STK32B: variants seen among roughly 807,000 people sequenced by gnomAD.
The protein encoded by STK32B is serine/threonine-protein kinase 32B.
A neutral mutation model predicts 52.6 loss-of-function variants in STK32B; 43 were observed. The observed-to-expected ratio is 0.82, with a 90% CI of 0.64 to 1.05. The LOEUF (loss-of-function observed/expected upper bound fraction) is 1.05. Among genes scored for constraint, STK32B ranks in the 50% least tolerant of loss-of-function variants. The probability of loss-of-function intolerance (pLI) is 0.00; values close to 1 mark genes in which losing one functional copy is unlikely to be tolerated. For missense variants in STK32B, 621 were observed against 534.6 expected, an observed-to-expected ratio of 1.16 and a Z score of -1.59; for synonymous variants, 238 against 204.3, an observed-to-expected ratio of 1.17 and a Z score of -1.41.
At chr4:5,335,989 C>T (rs968272546) in intron 4 of STK32B, among the ~76,000 whole-genome samples, 1 of 151,296 alleles carries the variant, frequency 6.6e-6, no homozygotes, top group African/African-American at 2.4e-5. Flanking sequence ...TCTGCAGAGC[C>T]AGGTGGTTGC....
intron 7 of STK32B, 95 bp from the exon 8 acceptor site, chr4:5,456,711 GA>G (rs1463776468): frequency 1.7e-6 from 2 of 1,145,816 alleles, no homozygotes; most frequent in Non-Finnish European, 2.4e-6. Flanking sequence ...TGAAGAGGAA[GA>G]ATAAACCATC....
intron 1 of STK32B, among the ~76,000 whole-genome samples, chr4:5,099,453 C>CGCGT (rs1560150338): frequency 9.3e-6 from 1 of 107,708 alleles, no homozygotes; most frequent in African/African-American, 3.7e-5. Context: ...TGTGTGTGCG[C>CGCGT]GCGCGCGTAT....
At chr4:5,356,786 C>A (rs1398131574) in intron 4 of STK32B, among the ~76,000 whole-genome samples, 1 of 152,134 alleles carries the variant, frequency 6.6e-6, no homozygotes, top group Non-Finnish European at 1.5e-5. Flanking sequence ...CACCTGGGGT[C>A]AGGAGTTCGA....
chr4:5,446,152 G>A (rs577719348), intron 6 of STK32B, among the ~76,000 whole-genome samples: 25 of 152,306 alleles, frequency 1.6e-4, no homozygotes, highest in African/African-American at 4.3e-4. Flanking sequence ...CATTCCACCC[G>A]GTAGTGTCAC....
At chr4:5,328,519 C>G (rs1466727213) in intron 3 of STK32B, among the ~76,000 whole-genome samples, 2 of 152,176 alleles carry the variant, frequency 1.3e-5, no homozygotes, top group Admixed American at 6.5e-5. Flanking sequence ...TGGGAAACTA[C>G]TGGTCAGTGG....
intron 1 of STK32B, among the ~76,000 whole-genome samples, chr4:5,090,641 G>A (rs1022451094): frequency 6.6e-6 from 1 of 152,106 alleles, no homozygotes; most frequent in Non-Finnish European, 1.5e-5. Flanking sequence ...GGGATTACAG[G>A]CATGAGCTAC....
At chr4:5,096,538 A>T (rs1452538596) in intron 1 of STK32B, among the ~76,000 whole-genome samples, 1 of 151,818 alleles carries the variant, frequency 6.6e-6, no homozygotes, top group Non-Finnish European at 1.5e-5. Flanking sequence ...CCCTCCTCCC[A>T]CCCTGGATCT....
At chr4:5,391,634 G>A (rs549351609) in intron 4 of STK32B, among the ~76,000 whole-genome samples, 1 of 152,068 alleles carries the variant, frequency 6.6e-6, no homozygotes, top group East Asian at 2.0e-4. Context: ...GTCTGGCCTG[G>A]CTGGGCCACA....
chr4:5,389,703 AG>A (rs112949210), intron 4 of STK32B, among the ~76,000 whole-genome samples: 32 of 152,266 alleles, frequency 2.1e-4, no homozygotes, highest in African/African-American at 6.3e-4. Context: ...ACTACCTGGA[AG>A]GGCTGTGCAA....
chr4:5,481,752 A>G (rs1456864050), intron 11 of STK32B, among the ~76,000 whole-genome samples: 3 of 152,122 alleles, frequency 2.0e-5, no homozygotes, highest in African/African-American at 7.2e-5. Flanking sequence ...ATCTTGAATT[A>G]ATTTTTGTAT....
chr4:5,228,352 A>C (rs1225512356), intron 3 of STK32B, among the ~76,000 whole-genome samples: 1 of 152,178 alleles, frequency 6.6e-6, no homozygotes, highest in Non-Finnish European at 1.5e-5. Flanking sequence ...ATATCATTGG[A>C]AACTGGCCAT....
intron 11 of STK32B, among the ~76,000 whole-genome samples, chr4:5,477,337 G>C (rs1469186876): frequency 6.6e-6 from 1 of 151,982 alleles, no homozygotes; most frequent in African/African-American, 2.4e-5. Context: ...AAAAGCCTTA[G>C]AGTCTCTGCC....
chr4:5,345,096 G>T (rs1307801444), intron 4 of STK32B, among the ~76,000 whole-genome samples: 1 of 150,896 alleles, frequency 6.6e-6, no homozygotes, highest in Non-Finnish European at 1.5e-5. Context: ...CTACAAAACT[G>T]TCTAAAAGAT....
rs1206518394 is a variant in STK32B at position 5,460,976 on chromosome 4, G to A, written c.909+748G>A. Among the ~76,000 whole-genome samples, 2 of 152,160 alleles carry A rather than the reference G, an allele frequency of 1.3e-5. No individual in the cohort carries two copies. Among genetic ancestry groups the A allele is most frequent in the East Asian group, 3.9e-4 (2 of 5,182 alleles). ...CATTGGATTTACATTTTAAAGGAGG[G>A]TTCTGGCAGGAGCTGGAGGCTCCTG... On this transcript the variant is annotated intron_variant, in intron 9 of 11. Transcript: ENST00000282908. The surrounding 1 kb of genome is among the most constrained non-coding windows in gnomAD (Gnocchi z 4.8).
At chr4:5,265,437 C>T (rs539981393) in intron 3 of STK32B, among the ~76,000 whole-genome samples, 25 of 152,294 alleles carry the variant, frequency 1.6e-4, no homozygotes, top group African/African-American at 4.6e-4. Flanking sequence ...ATATTGACTA[C>T]GCCCCGAAGC....
chr4:5,205,093 C>G (rs1722464630), intron 3 of STK32B, among the ~76,000 whole-genome samples: 1 of 152,216 alleles, frequency 6.6e-6, no homozygotes, highest in Non-Finnish European at 1.5e-5. Context: ...CATTTTCCCT[C>G]TCTTCTAGAG....
intron 1 of STK32B, among the ~76,000 whole-genome samples, chr4:5,054,122 G>C (rs1367753005): frequency 6.6e-6 from 1 of 152,158 alleles, no homozygotes; most frequent in African/African-American, 2.4e-5. Context: ...AGGTAAAACA[G>C]TGTTACTTGC....
At position 5,467,219 on chromosome 4, in the gene STK32B, C is replaced by A. The variant is rs940683729; in HGVS notation, c.1041+385C>A. Among the ~76,000 whole-genome samples the A allele has an allele frequency of 6.6e-6, 1 of 152,182 alleles. No homozygotes were observed. Among genetic ancestry groups the A allele is most frequent in the Non-Finnish European group, 1.5e-5 (1 of 68,032 alleles). ...ATTCGTTTCCTGGGGCTGCCACAAGCTAGGTGGCTTAAAACAACCCACATT... is the reference window on the plus strand; with the variant it reads ...ATTCGTTTCCTGGGGCTGCCACAAGATAGGTGGCTTAAAACAACCCACATT... On this transcript the variant is annotated intron_variant, in intron 10 of 11. Transcript: ENST00000282908. The surrounding 1 kb of genome is among the most constrained non-coding windows in gnomAD (Gnocchi z 5.8).
intron 6 of STK32B, among the ~76,000 whole-genome samples, chr4:5,419,779 C>G (rs1054339615): frequency 1.3e-5 from 2 of 152,122 alleles, no homozygotes; most frequent in African/African-American, 4.8e-5. Context: ...GATCTATTTG[C>G]TCTGTTTTAT....
Sources: gnomAD v4.1 joint callset for allele counts (sites outside exome capture counted in the v4.1 genomes callset) on GRCh38, gnomAD v4.1.1 for gene constraint, Gnocchi (gnomAD v3.1) non-coding constraint, MANE v1.5 for transcripts, NCBI Gene and HGNC (gene_info 2026-07-23, HGNC 2026-07-21) for gene names.